SPOCK1: variants seen among roughly 807,000 people sequenced by gnomAD.
SPOCK1 encodes testican-1.
Under a neutral mutation model 55.3 loss-of-function variants are expected in SPOCK1, and 23 were observed. The ratio of observed to expected loss-of-function variants is 0.42; its 90% confidence interval spans 0.30 to 0.59. The LOEUF (loss-of-function observed/expected upper bound fraction) is 0.59, where lower values mean the gene tolerates loss of function less well. Among genes scored for constraint, SPOCK1 ranks in the 20% least tolerant of loss-of-function variants. The pLI, the probability that SPOCK1 is intolerant of heterozygous loss-of-function variation, is 0.22. For missense variants in SPOCK1, 499 were observed against 552.5 expected (o/e 0.90, Z 0.97); for synonymous variants, 226 against 221.0 (o/e 1.02, Z -0.20).
intron 6 of SPOCK1, among the ~76,000 whole-genome samples, chr5:137,057,215 G>A (rs556688190): frequency 6.6e-6 from 1 of 152,124 alleles, no homozygotes; most frequent in East Asian, 2.0e-4. Context: ...TTTCAAGCAG[G>A]AGGGCCTTAG....
intron 2 of SPOCK1, among the ~76,000 whole-genome samples, chr5:137,488,377 CA>C (rs762367066): frequency 1.4e-5 from 2 of 146,818 alleles, no homozygotes; most frequent in African/African-American, 2.5e-5. Flanking sequence ...ACTCTGTCTT[CA>C]AAAAAAAAAG....
At chr5:137,101,326 T>G (rs1753261281) in intron 5 of SPOCK1, among the ~76,000 whole-genome samples, 1 of 152,202 alleles carries the variant, frequency 6.6e-6, no homozygotes, top group South Asian at 2.1e-4. Flanking sequence ...TTTTACCTAA[T>G]CCTTAATTTC....
chr5:137,190,308 TA>T (rs1755155767), intron 3 of SPOCK1, among the ~76,000 whole-genome samples: 1 of 152,180 alleles, frequency 6.6e-6, no homozygotes, highest in Admixed American at 6.5e-5. Flanking sequence ...TTCATTGTTG[TA>T]TTATTTTTAA....
chr5:137,243,823 C>T (rs1756339504), intron 3 of SPOCK1, among the ~76,000 whole-genome samples: 2 of 152,116 alleles, frequency 1.3e-5, no homozygotes, highest in Admixed American at 6.5e-5. Flanking sequence ...CATAACGACT[C>T]GAAACTGATA....
intron 2 of SPOCK1, among the ~76,000 whole-genome samples, chr5:137,429,875 G>A (rs887027866): frequency 6.6e-6 from 1 of 152,188 alleles, no homozygotes; most frequent in African/African-American, 2.4e-5. Context: ...ACAACACTAT[G>A]GCAGAAATTA....
intron 2 of SPOCK1, among the ~76,000 whole-genome samples, chr5:137,362,330 C>A (rs978816553): frequency 7.3e-6 from 1 of 136,636 alleles, no homozygotes; most frequent in African/African-American, 2.7e-5. Context: ...CGTCAGCAAC[C>A]TTTTTTTTTT....
At chr5:137,058,812 T>G (rs2127001585) in intron 6 of SPOCK1, among the ~76,000 whole-genome samples, 1 of 152,170 alleles carries the variant, frequency 6.6e-6, no homozygotes, top group Middle Eastern at 3.4e-3. Context: ...AGATGGTCAG[T>G]GCCAAGCCCT....
chr5:137,036,711 A>G (rs995377691), intron 6 of SPOCK1, among the ~76,000 whole-genome samples: 1 of 152,188 alleles, frequency 6.6e-6, no homozygotes, highest in Non-Finnish European at 1.5e-5. Context: ...ATGTGATGGG[A>G]GGGAGGCCCC....
chr5:137,242,997 T>A (rs1756317205), intron 3 of SPOCK1, among the ~76,000 whole-genome samples: 1 of 122,420 alleles, frequency 8.2e-6, no homozygotes, highest in Non-Finnish European at 1.9e-5. Context: ...AAGAGACTTT[T>A]TACTGTACTT....
chr5:137,016,958 T>G (rs987855987), intron 6 of SPOCK1, among the ~76,000 whole-genome samples: 2 of 152,222 alleles, frequency 1.3e-5, no homozygotes, highest in Admixed American at 6.5e-5. Flanking sequence ...TCCTATGTGC[T>G]CAAGCACATG....
chr5:137,368,576 G>A (rs778651099), intron 2 of SPOCK1, among the ~76,000 whole-genome samples: 3 of 152,184 alleles, frequency 2.0e-5, no homozygotes, highest in Non-Finnish European at 2.9e-5. Context: ...GGGGACACAC[G>A]CAGCATTTCA....
intron 2 of SPOCK1, among the ~76,000 whole-genome samples, chr5:137,289,662 C>G (rs573755973): frequency 1.3e-5 from 2 of 152,018 alleles, no homozygotes; most frequent in East Asian, 3.9e-4. Context: ...AAAATGCATA[C>G]GGGAATGAGC....
chr5:137,315,621 A>G (rs181489434), intron 2 of SPOCK1, among the ~76,000 whole-genome samples: 1 of 152,316 alleles, frequency 6.6e-6, no homozygotes, highest in African/African-American at 2.4e-5. Context: ...CAAGGCTCTC[A>G]CAAACACCCC....
intron 2 of SPOCK1, among the ~76,000 whole-genome samples, chr5:137,411,159 C>T (rs1344582026): frequency 1.3e-5 from 2 of 152,136 alleles, no homozygotes; most frequent in Non-Finnish European, 2.9e-5. Context: ...ACAATCCTAT[C>T]ACAATACAAT....
At chr5:137,170,000 A>G (rs987510646) in intron 3 of SPOCK1, among the ~76,000 whole-genome samples, 2 of 152,246 alleles carry the variant, frequency 1.3e-5, no homozygotes, top group African/African-American at 4.8e-5. Flanking sequence ...ATGCAACTAC[A>G]GAAGTTAACA....
chr5:137,330,649 T>C (rs1408316751), intron 2 of SPOCK1, among the ~76,000 whole-genome samples: 1 of 152,204 alleles, frequency 6.6e-6, no homozygotes, highest in Non-Finnish European at 1.5e-5. Flanking sequence ...GTGCCAGACA[T>C]AGACTGAGAT....
chr5:137,030,189 G>A (rs962704988), intron 6 of SPOCK1, among the ~76,000 whole-genome samples: 6 of 152,266 alleles, frequency 3.9e-5, no homozygotes, highest in Non-Finnish European at 5.9e-5. Context: ...GTAGAGTGAT[G>A]GATGAAGTAA....
At chr5:137,144,635 A>G (rs1162026010) in intron 3 of SPOCK1, among the ~76,000 whole-genome samples, 1 of 152,164 alleles carries the variant, frequency 6.6e-6, no homozygotes, top group Non-Finnish European at 1.5e-5. Context: ...AGGCCTCCCA[A>G]ATACGTTTTA....
At chr5:137,374,753 C>G (rs1751275969) in intron 2 of SPOCK1, among the ~76,000 whole-genome samples, 1 of 152,182 alleles carries the variant, frequency 6.6e-6, no homozygotes, top group Non-Finnish European at 1.5e-5. Context: ...TTTCTTAATG[C>G]TTTCTAGAAC....
Sources: allele counts gnomAD v4.1 joint callset (sites outside exome capture counted in the v4.1 genomes callset), GRCh38; gene constraint gnomAD v4.1.1; transcripts MANE v1.5; gene names NCBI Gene and HGNC (gene_info 2026-07-23, HGNC 2026-07-21).